GALNT14: variants seen among roughly 807,000 people sequenced by gnomAD.
The protein encoded by GALNT14 is polypeptide N-acetylgalactosaminyltransferase 14, also known as UDP-GalNAc:polypeptide N-acetylgalactosaminyltransferase 14.
Under a neutral mutation model 77.5 loss-of-function variants are expected in GALNT14, and 60 were observed. That is an observed-to-expected ratio of 0.77 (90% CI 0.63 to 0.96). The LOEUF (loss-of-function observed/expected upper bound fraction) is 0.96, where lower values mean the gene tolerates loss of function less well. GALNT14 is among the 40% of genes least tolerant of loss of function. The probability of loss-of-function intolerance (pLI) is 0.00; values close to 1 mark genes in which losing one functional copy is unlikely to be tolerated. For missense variants in GALNT14, 710 were observed against 731.0 expected, an observed-to-expected ratio of 0.97 and a Z score of 0.33; for synonymous variants, 280 against 281.7, an observed-to-expected ratio of 0.99 and a Z score of 0.06.
At chr2:30,917,107 A>AAAAAAAAAAT in intron 13 of GALNT14, among the ~76,000 whole-genome samples, 1 of 140,904 alleles carries the variant, frequency 7.1e-6, no homozygotes, top group Non-Finnish European at 1.5e-5. Flanking sequence ...AAAAAAAAAG[A>AAAAAAAAAAT]GGCAGGAGTG....
chr2:30,970,268 T>A (rs1668268660), intron 2 of GALNT14, among the ~76,000 whole-genome samples: 2 of 152,098 alleles, frequency 1.3e-5, no homozygotes, highest in Non-Finnish European at 2.9e-5. Flanking sequence ...AGCGTCAATG[T>A]GAGTGAAAAG....
At chr2:31,122,956 C>T (rs916293586) in intron 1 of GALNT14, among the ~76,000 whole-genome samples, 7 of 151,912 alleles carry the variant, frequency 4.6e-5, no homozygotes, top group African/African-American at 1.4e-4. Flanking sequence ...CCGAGGCGGG[C>T]GGATCACGAG....
At chr2:30,961,270 T>A (rs2148331260) in intron 3 of GALNT14, among the ~76,000 whole-genome samples, 1 of 152,366 alleles carries the variant, frequency 6.6e-6, no homozygotes, top group Non-Finnish European at 1.5e-5. Context: ...GAAATTGCTT[T>A]GTGAACTCCA....
Position 31,138,101 on chromosome 2 carries a change from C to G in GALNT14, c.-15G>C. ...AGGCGCCGCATGGTCCCCTTTGCCG[C>G]TTCCTCTCCGCGGCGCTACGTCCCG... On this transcript the variant is annotated 5_prime_UTR_variant, in exon 1 of 15. Coordinates refer to ENST00000349752, the MANE Select transcript of GALNT14 (RefSeq NM_024572.4). 1 of 1,613,528 alleles carries G rather than the reference C, an allele frequency of 6.2e-7. No homozygotes were observed. The highest frequency in any genetic ancestry group is 8.5e-7 in the Non-Finnish European group (1 of 1,179,736).
chr2:31,098,578 T>C (rs1335112347), intron 1 of GALNT14, among the ~76,000 whole-genome samples: 1 of 152,158 alleles, frequency 6.6e-6, no homozygotes, highest in Non-Finnish European at 1.5e-5. Context: ...TGTTGTATTA[T>C]CTTTCCAGAA....
At chr2:30,996,713 T>C (rs1367804275) in intron 1 of GALNT14, among the ~76,000 whole-genome samples, 1 of 152,214 alleles carries the variant, frequency 6.6e-6, no homozygotes, top group Non-Finnish European at 1.5e-5. Flanking sequence ...TTTGGAACTC[T>C]GGAATTCTGT....
chr2:31,084,043 G>A (rs1079212), intron 1 of GALNT14, among the ~76,000 whole-genome samples: 135 of 152,286 alleles, frequency 8.9e-4, no homozygotes, highest in African/African-American at 3.0e-3. Context: ...GAGAAAGAGC[G>A]CTGGATTCAA....
chr2:30,895,314 A>G, the GALNT14 span, among the ~76,000 whole-genome samples: 1 of 148,654 alleles, frequency 6.7e-6, no homozygotes, highest in Non-Finnish European at 1.5e-5. Flanking sequence ...GTAATGGAGT[A>G]AGTGTTAAGA....
At chr2:31,068,928 T>C (rs767464260) in intron 1 of GALNT14, among the ~76,000 whole-genome samples, 2 of 152,208 alleles carry the variant, frequency 1.3e-5, no homozygotes, top group Non-Finnish European at 2.9e-5. Context: ...ATTCTATTTA[T>C]ATGAAATGTC....
At chr2:31,006,682 C>A (rs970199517) in intron 1 of GALNT14, among the ~76,000 whole-genome samples, 1 of 152,186 alleles carries the variant, frequency 6.6e-6, no homozygotes, top group Admixed American at 6.5e-5. Context: ...GCAGGAAGCA[C>A]AGTTGTACAT....
intron 1 of GALNT14, among the ~76,000 whole-genome samples, chr2:31,087,239 A>G (rs1255059951): frequency 6.6e-6 from 1 of 152,136 alleles, no homozygotes; most frequent in Non-Finnish European, 1.5e-5. Context: ...GAGGATGAAG[A>G]CATAGGGGGC....
At chr2:30,901,064 G>A in the GALNT14 span, among the ~76,000 whole-genome samples, 1 of 152,174 alleles carries the variant, frequency 6.6e-6, no homozygotes, top group South Asian at 2.1e-4. Flanking sequence ...TCACAGTGTG[G>A]AAACAACCAA....
intron 1 of GALNT14, among the ~76,000 whole-genome samples, chr2:31,018,967 T>C (rs1671550850): frequency 3.3e-5 from 5 of 152,100 alleles, no homozygotes. Context: ...CCCTCACAAA[T>C]GACAGCGTGA....
At chr2:31,031,072 G>A (rs542160025) in intron 1 of GALNT14, among the ~76,000 whole-genome samples, 2 of 152,236 alleles carry the variant, frequency 1.3e-5, no homozygotes, top group South Asian at 2.1e-4. Context: ...TATGAGAATC[G>A]GGTTTCCTGT....
intron 1 of GALNT14, among the ~76,000 whole-genome samples, chr2:31,136,495 G>A (rs1048643290): frequency 1.3e-5 from 2 of 152,068 alleles, no homozygotes; most frequent in African/African-American, 4.8e-5. Context: ...TTAGCCCTAT[G>A]CACACCTCAC....
chr2:30,945,354 G>A (rs1666624013), intron 7 of GALNT14, among the ~76,000 whole-genome samples: 1 of 152,264 alleles, frequency 6.6e-6, no homozygotes, highest in Middle Eastern at 3.4e-3. Flanking sequence ...TGAAGTGGGG[G>A]CAACAGTGGG....
At chr2:30,942,403 G>A in intron 8 of GALNT14, 99 bp from the exon 9 acceptor site, 1 of 853,788 alleles carries the variant, frequency 1.2e-6, no homozygotes, top group Non-Finnish European at 1.9e-6. Flanking sequence ...TTTCCCATTT[G>A]GGGAAAGAAA....
chr2:30,974,018 C>T (rs1193244699), intron 2 of GALNT14, among the ~76,000 whole-genome samples: 1 of 152,122 alleles, frequency 6.6e-6, no homozygotes, highest in East Asian at 1.9e-4. Flanking sequence ...CAAAGAGTTC[C>T]CAGTGCCTAC....
intron 13 of GALNT14, among the ~76,000 whole-genome samples, chr2:30,921,118 T>C (rs929876303): frequency 6.6e-6 from 1 of 152,136 alleles, no homozygotes; most frequent in Non-Finnish European, 1.5e-5. Context: ...TATTACCTTC[T>C]GGTCAAATAA....
Sources: allele counts gnomAD v4.1 joint callset (sites outside exome capture counted in the v4.1 genomes callset), GRCh38; gene constraint gnomAD v4.1.1; transcripts MANE v1.5; gene names NCBI Gene and HGNC (gene_info 2026-07-23, HGNC 2026-07-21).